LAMC1: variants seen among roughly 807,000 people sequenced by gnomAD.
LAMC1 encodes the protein laminin subunit gamma 1.
In LAMC1, 38 loss-of-function variants were observed where a neutral mutation model predicts 173.6. The ratio of observed to expected loss-of-function variants is 0.22; its 90% CI spans 0.17 to 0.29. The LOEUF (loss-of-function observed/expected upper bound fraction) is 0.29, where lower values mean the gene tolerates loss of function less well. Among genes scored for constraint, LAMC1 ranks in the 10% least tolerant of loss-of-function variants. The pLI, the probability that LAMC1 is intolerant of heterozygous loss-of-function variation, is 1.00. For synonymous variants in LAMC1, 746 were observed against 749.1 expected (o/e 1.00, Z 0.07); for missense variants, 1,824 against 2,051.8 (o/e 0.89, Z 2.14).
At chr1:183,081,612 A>G (rs907055535) in intron 1 of LAMC1, among the ~76,000 whole-genome samples, 8 of 151,866 alleles carry the variant, frequency 5.3e-5, no homozygotes, top group African/African-American at 1.9e-4. Flanking sequence ...AAATCTTTAG[A>G]GTGTTTTTAG....
At chr1:183,053,082 G>C (rs12043539) in intron 1 of LAMC1, among the ~76,000 whole-genome samples, 17,840 of 152,162 alleles carry the variant, frequency 0.12, 1,181 homozygotes, top group Admixed American at 0.21. Context: ...GGAGAGATCC[G>C]TCATTCTGAA....
At chr1:183,050,814 C>T (rs1344643443) in intron 1 of LAMC1, among the ~76,000 whole-genome samples, 1 of 146,314 alleles carries the variant, frequency 6.8e-6, no homozygotes, top group Non-Finnish European at 1.5e-5. Flanking sequence ...TCGCTTGAAC[C>T]TGGGAGGTGG....
chr1:183,040,190 C>G (rs1447008988), intron 1 of LAMC1, among the ~76,000 whole-genome samples: 1 of 152,308 alleles, frequency 6.6e-6, no homozygotes, highest in South Asian at 2.1e-4. Flanking sequence ...TGCCTGGATC[C>G]CTGCTGTCTT....
chr1:183,120,570 A>G (rs1656443467), intron 11 of LAMC1, among the ~76,000 whole-genome samples: 1 of 152,246 alleles, frequency 6.6e-6, no homozygotes, highest in Non-Finnish European at 1.5e-5. Flanking sequence ...TTTAAGCATA[A>G]GACTGCAAAA....
chr1:183,135,256 T>A (rs1656905573), intron 24 of LAMC1, 100 bp downstream of exon 24: 3 of 706,010 alleles, frequency 4.2e-6, no homozygotes, highest in African/African-American at 3.6e-5. Flanking sequence ...CATCCCCAAC[T>A]CCCTACTTTT....
rs534115240 is a variant in LAMC1, at chr1:183,136,391, G to A, written c.4120G>A (p.Asp1374Asn). Residue 1374 changes from aspartate (D) to asparagine (N), a missense_variant, in exon 25 of 28, where the codon GAT (aspartate) becomes AAT (asparagine). By Grantham distance (23) the Asp-to-Asn change is conservative (BLOSUM62 1). Coordinates refer to ENST00000258341, the MANE Select transcript of LAMC1 (RefSeq NM_002293.4). ...NDILNNLKDFDRRVNDNKTAA... is the reference protein window; with the variant it reads ...NDILNNLKDFNRRVNDNKTAA... ...TGTCCTTGAACTTGTTTCAGATTTT[G>A]ATAGGCGTGTGAACGATAACAAGAC... 54 of 1,613,996 alleles carry A rather than the reference G, an allele frequency of 3.3e-5. 1 individual carries two copies. In the South Asian group the frequency reaches 5.7e-4, roughly 17 times the overall value.
chr1:183,056,739 A>C (rs1039684970), intron 1 of LAMC1, among the ~76,000 whole-genome samples: 4 of 152,126 alleles, frequency 2.6e-5, no homozygotes, highest in African/African-American at 9.7e-5. Context: ...TCTAGACTAG[A>C]GCTTTCTCCA....
intron 16 of LAMC1, among the ~76,000 whole-genome samples, chr1:183,126,553 A>C (rs918967255): frequency 5.9e-5 from 9 of 152,120 alleles, no homozygotes; most frequent in African/African-American, 1.9e-4. Flanking sequence ...GAGCTTTCCC[A>C]CTGTGGTTCA....
intron 24 of LAMC1, among the ~76,000 whole-genome samples, chr1:183,136,129 G>T (rs545390556): frequency 5.3e-5 from 8 of 152,180 alleles, no homozygotes; most frequent in Non-Finnish European, 1.2e-4. Context: ...GTGGTAATGG[G>T]ATGCTCAGCG....
At chr1:183,122,278 C>T (rs1656498442) in intron 13 of LAMC1, 27 bp downstream of exon 13, 1 of 1,606,544 alleles carries the variant, frequency 6.2e-7, no homozygotes, top group Non-Finnish European at 8.5e-7. Context: ...CATCTGCTTT[C>T]AGTGTTCCCT....
rs753667988 is a variant in LAMC1 at position 183,023,794 on chromosome 1, G to A, written c.78G>A (p.Ala26=). The A allele has an allele frequency of 5.4e-6, 8 of 1,494,444 alleles. No homozygotes were observed. The African/African-American group carries it at 9.9e-5, about 18-fold the overall frequency. 92.6% of individuals were successfully genotyped at this position (1,494,444 alleles called of 1,614,324 possible). A position where few individuals can be genotyped will look rare whatever the true frequency, so the allele number is the denominator to read the frequency against. ...GGCCCGTGCTGGCCGTGCTGGCGGCGGCCGCCGCGGCGGGCTGTGCCCAGG... is the reference window on the plus strand; with the variant it reads ...GGCCCGTGCTGGCCGTGCTGGCGGCAGCCGCCGCGGCGGGCTGTGCCCAGG... The part of the protein sequence containing the change: ...RLWPVLAVLA[A]AAAAGCAQAA... Residue 26 remains alanine, a synonymous_variant, in exon 1 of 28, where the codon GCG becomes GCA. Transcript: ENST00000258341.
At chr1:183,039,626 C>G (rs534635911) in intron 1 of LAMC1, among the ~76,000 whole-genome samples, 21 of 152,138 alleles carry the variant, frequency 1.4e-4, no homozygotes, top group Non-Finnish European at 7.3e-5. Flanking sequence ...AGCATCAACT[C>G]CTGGGTAGAC....
intron 2 of LAMC1, among the ~76,000 whole-genome samples, chr1:183,104,779 G>T (rs900337361): frequency 6.6e-6 from 1 of 152,176 alleles, no homozygotes. Context: ...AAGCATGAAT[G>T]TGAAAGCTGT....
intron 1 of LAMC1, among the ~76,000 whole-genome samples, chr1:183,026,055 A>G (rs1327633411): frequency 6.6e-6 from 1 of 152,242 alleles, no homozygotes; most frequent in Non-Finnish European, 1.5e-5. Context: ...TTAAAAGGTC[A>G]AAAGAGATCT....
intron 19 of LAMC1, 99 bp from the exon 20 acceptor site, chr1:183,131,200 A>G: frequency 1.3e-6 from 1 of 763,520 alleles, no homozygotes; most frequent in East Asian, 2.6e-5. Context: ...AGGTAGAGGC[A>G]TTCTTTTTGC....
intron 1 of LAMC1, among the ~76,000 whole-genome samples, chr1:183,040,559 G>A (rs1654103004): frequency 6.6e-6 from 1 of 151,776 alleles, no homozygotes; most frequent in South Asian, 2.1e-4. Context: ...AGAAGTGGAG[G>A]GAAAAAAAAG....
At chr1:183,066,888 AC>A (rs1482670531) in intron 1 of LAMC1, among the ~76,000 whole-genome samples, 1 of 152,140 alleles carries the variant, frequency 6.6e-6, no homozygotes, top group African/African-American at 2.4e-5. Context: ...GGTGCAGCAA[AC>A]CACCATGCAC....
intron 1 of LAMC1, among the ~76,000 whole-genome samples, chr1:183,090,791 G>C (rs1163827468): frequency 6.6e-6 from 1 of 152,134 alleles, no homozygotes; most frequent in African/African-American, 2.4e-5. Flanking sequence ...TGCAACTGCT[G>C]CTTATTAAGC....
chr1:183,098,120 C>T (rs1655741078), intron 1 of LAMC1, among the ~76,000 whole-genome samples: 1 of 152,154 alleles, frequency 6.6e-6, no homozygotes, highest in Non-Finnish European at 1.5e-5. Context: ...GTAGTGTCAT[C>T]AGACTGGAAA....
Sources: gnomAD v4.1 joint callset for allele counts (sites outside exome capture counted in the v4.1 genomes callset) on GRCh38, gnomAD v4.1.1 for gene constraint, MANE v1.5 for transcripts, NCBI Gene and HGNC (gene_info 2026-07-23, HGNC 2026-07-21) for gene names.